Variants in FGFR1 observed in about 807,000 individuals in gnomAD.
FGFR1 encodes FGFR1/PLAG1 fusion.
A neutral mutation model predicts 93.7 loss-of-function variants in FGFR1; 18 were observed. The observed-to-expected ratio is 0.19, with a 90% CI of 0.13 to 0.28. The LOEUF is 0.28. Ranked by LOEUF, FGFR1 falls within the 10% of genes least tolerant of loss-of-function variation. The pLI, the probability that FGFR1 is intolerant of heterozygous loss-of-function variation, is 1.00. For synonymous variants in FGFR1, 448 were observed against 429.3 expected, an observed-to-expected ratio of 1.04 and a Z score of -0.54; for missense variants, 731 against 1,080.4, an observed-to-expected ratio of 0.68 and a Z score of 4.53.
At chr8:38,450,458 C>A (rs931320451) in intron 2 of FGFR1, among the ~76,000 whole-genome samples, 39 of 152,266 alleles carry the variant, frequency 2.6e-4, no homozygotes, top group African/African-American at 8.4e-4. Flanking sequence ...CTCTCTGACC[C>A]CAGACCTCGC....
At position 38,419,525 on chromosome 8, in the gene FGFR1, C is replaced by T. The variant is rs1164597177; in HGVS notation, c.1284+8G>A. ...GGTGCTGAGTGTGCAAATCCCCCAT[C>T]TACTTTCTGTTACCTGTCTGCGCAG... On this transcript the variant is annotated splice_region_variant and intron_variant, in intron 9 of 17. Transcript: ENST00000447712. 1 of 1,613,712 alleles carries T rather than the reference C, an allele frequency of 6.2e-7. No homozygotes were observed. The highest frequency in any genetic ancestry group is 8.5e-7 in the Non-Finnish European group (1 of 1,179,620).
At chr8:38,461,239 T>C (rs1834338225) in intron 1 of FGFR1, 2 of 995,346 alleles carry the variant, frequency 2.0e-6, no homozygotes, top group South Asian at 1.6e-5. Flanking sequence ...CCACGTGACC[T>C]TGAAGCTCTC....
At chr8:38,450,810 A>G (rs1830820428) in intron 2 of FGFR1, among the ~76,000 whole-genome samples, 1 of 152,166 alleles carries the variant, frequency 6.6e-6, no homozygotes, top group Non-Finnish European at 1.5e-5. Flanking sequence ...AGAGTGGAAA[A>G]TCAGTGAAGC....
chr8:38,426,094 A>G lies in FGFR1; in HGVS notation c.745+28T>C, dbSNP rs754879476. On this transcript the variant is annotated intron_variant, in intron 6 of 17. Coordinates refer to ENST00000447712, the MANE Select transcript of FGFR1 (RefSeq NM_023110.3). This position sits in a 1 kb window ranked among gnomAD's most constrained non-coding sequence, Gnocchi z 4.1. ...AAGCCTGGCTCTTCCCACTAAACTC[A>G]TTCCTCCTGCTGCCTCTGCCCTCTT... 115 of 1,613,652 alleles carry G rather than the reference A, an allele frequency of 7.1e-5. No individual in the cohort carries two copies. The highest frequency in any genetic ancestry group is 8.5e-7 in the Non-Finnish European group (1 of 1,179,956).
chr8:38,454,181 C>T (rs1196649905), intron 2 of FGFR1, among the ~76,000 whole-genome samples: 1 of 152,054 alleles, frequency 6.6e-6, no homozygotes. Flanking sequence ...CACCCTGCCC[C>T]AGCAGCTTCC....
At chr8:38,427,642 T>G (rs1821263481) in intron 5 of FGFR1, among the ~76,000 whole-genome samples, 1 of 152,194 alleles carries the variant, frequency 6.6e-6, no homozygotes, top group Non-Finnish European at 1.5e-5. Context: ...TTTCAAATAT[T>G]CATGCTTGAA....
chr8:38,422,888 G>T, intron 7 of FGFR1: 1 of 608,826 alleles, frequency 1.6e-6, no homozygotes, highest in Non-Finnish European at 2.9e-6. Context: ...CCCAGGCCGG[G>T]TATTTTTCCA....
rs1322747362 is a variant in FGFR1 at position 38,411,228 on chromosome 8, C to G, written c.*2400G>C. The G allele has an allele frequency of 1.5e-5, 3 of 205,920 alleles. No homozygotes were observed. The highest frequency in any genetic ancestry group is 3.0e-5 in the Non-Finnish European group (3 of 100,726). 12.8% of individuals were successfully genotyped at this position (205,920 alleles called of 1,614,324 possible). Reference sequence around the variant, plus strand: ...TTGAGTAGTAACAGCAAGGACATCACTGTAATTATGATAGTGCCTTATATT... The same window carrying G: ...TTGAGTAGTAACAGCAAGGACATCAGTGTAATTATGATAGTGCCTTATATT... On this transcript the variant is annotated 3_prime_UTR_variant, in exon 18 of 18. Transcript: ENST00000447712.
chr8:38,438,245 G>C (rs149771928), intron 2 of FGFR1, among the ~76,000 whole-genome samples: 79 of 152,288 alleles, frequency 5.2e-4, no homozygotes, highest in African/African-American at 1.6e-3. Flanking sequence ...TTAAGAGTTA[G>C]AATTATTATC....
At chr8:38,415,284 C>T (rs547079285) in intron 13 of FGFR1, among the ~76,000 whole-genome samples, 9 of 152,116 alleles carry the variant, frequency 5.9e-5, no homozygotes, top group Admixed American at 1.3e-4. Flanking sequence ...AATTCTACAA[C>T]AGGTATTGTT....
At chr8:38,423,468 C>A in intron 7 of FGFR1, 1 of 358,348 alleles carries the variant, frequency 2.8e-6, no homozygotes, top group Admixed American at 4.5e-5. Context: ...ACTACAGGTG[C>A]CAACCACTAT....
rs150198214 is a variant in FGFR1 at position 38,425,851 on chromosome 8, C to A, written c.745+271G>T. ...TACGCTACATTTAACACCTCTCCAA[C>A]AACGCCTCCTTCAGGACAGACTCTG... On this transcript the variant is annotated intron_variant, in intron 6 of 17. Transcript: ENST00000447712. 1.1e-3 allele frequency: 573 copies of A among 503,044 alleles called. 2 individuals carry two copies. The highest frequency in any genetic ancestry group is 0.011 in the African/African-American group (548 of 51,838). The allele number at this position is 503,044 out of a possible 1,614,324, so 31.2% of individuals were successfully genotyped here.
chr8:38,420,954 A>C (rs2150736638), intron 8 of FGFR1, among the ~76,000 whole-genome samples: 1 of 152,288 alleles, frequency 6.6e-6, no homozygotes, highest in Non-Finnish European at 1.5e-5. Flanking sequence ...CAAGACAGGG[A>C]CGATGATAAA....
At chr8:38,464,553 AG>A (rs1021019955) in intron 1 of FGFR1, among the ~76,000 whole-genome samples, 8 of 152,142 alleles carry the variant, frequency 5.3e-5, no homozygotes, top group African/African-American at 7.2e-5. Flanking sequence ...ATGCAACCTT[AG>A]GAGGAAAAAC....
At chr8:38,418,493 T>G in intron 9 of FGFR1, 120 bp from the exon 10 acceptor site, 1 of 1,245,558 alleles carries the variant, frequency 8.0e-7, no homozygotes, top group Non-Finnish European at 1.1e-6. Context: ...TGATGTTCTT[T>G]CCTCAACACA....
intron 2 of FGFR1, among the ~76,000 whole-genome samples, chr8:38,443,570 G>T (rs907452359): frequency 6.6e-6 from 1 of 152,006 alleles, no homozygotes; most frequent in African/African-American, 2.4e-5. Flanking sequence ...CTACTTGGGA[G>T]GCTGAGGTGG....
intron 7 of FGFR1, 172 bp from the exon 8 acceptor site, chr8:38,422,113 G>C (rs888233787): frequency 2.7e-6 from 2 of 735,228 alleles, no homozygotes; most frequent in Non-Finnish European, 4.7e-6. Context: ...ACCTGTTAGA[G>C]GAAGAGGGTG....
intron 1 of FGFR1, chr8:38,467,744 G>A (rs916225650): frequency 4.3e-6 from 1 of 233,552 alleles, no homozygotes; most frequent in Non-Finnish European, 8.5e-6. Context: ...GAAGAGCGGC[G>A]GGACGAGCGC....
intron 2 of FGFR1, among the ~76,000 whole-genome samples, chr8:38,449,716 C>T (rs1209200568): frequency 2.0e-5 from 3 of 152,226 alleles, no homozygotes; most frequent in South Asian, 2.1e-4. Flanking sequence ...AGCATGTGAA[C>T]GAGGAGAGGG....
Sources: allele counts gnomAD v4.1 joint callset (sites outside exome capture counted in the v4.1 genomes callset), GRCh38; gene constraint gnomAD v4.1.1; non-coding constraint Gnocchi (gnomAD v3.1); transcripts MANE v1.5; gene names NCBI Gene and HGNC (gene_info 2026-07-23, HGNC 2026-07-21).